The following ANTXRL variants were observed in gnomAD, a reference collection of about 807,000 sequenced individuals.
The protein encoded by ANTXRL is anthrax toxin receptor-like.
ANTXRL carries 63 observed loss-of-function variants against 75.4 expected under a neutral mutation model. The ratio of observed to expected loss-of-function variants is 0.84; its 90% CI spans 0.68 to 1.03. The LOEUF (loss-of-function observed/expected upper bound fraction) is 1.03. Among genes scored for constraint, ANTXRL ranks in the 50% least tolerant of loss-of-function variants. The pLI, the probability that ANTXRL is intolerant of heterozygous loss-of-function variation, is 0.00. For missense variants in ANTXRL, 797 were observed against 789.4 expected (o/e 1.01, Z -0.12); for synonymous variants, 335 against 291.3 (o/e 1.15, Z -1.53).
rs1837439275 is a variant in ANTXRL at position 46,297,320 on chromosome 10, C to G, written c.577C>G (p.Leu193Val). ...ELVAHAFQDT[L>V]REAQKARKLG... ...GGTGGCACATGCATTTCAGGACACT[C>G]TCAGAGAAGTGAGTCCAGTTCATAC... The change falls in exon 6 of 17, where the codon CTC becomes GTC. Residue 193 changes from leucine to valine, a missense_variant. Transcript: ENST00000620264. The G allele has an allele frequency of 6.5e-7, 1 of 1,536,316 alleles. No homozygotes were observed. Among genetic ancestry groups the G allele is most frequent in the Non-Finnish European group, 8.7e-7 (1 of 1,146,838 alleles).
At chr10:46,308,961 C>T (rs879953111) in intron 12 of ANTXRL, among the ~76,000 whole-genome samples, 152 bp from the exon 13 acceptor site, 8 of 152,140 alleles carry the variant, frequency 5.3e-5, no homozygotes, top group Non-Finnish European at 1.2e-4. Context: ...GTCTATAGCT[C>T]TCTGGGGCCC....
chr10:46,301,833 G>A (rs10906944), intron 9 of ANTXRL, among the ~76,000 whole-genome samples: 58,929 of 151,906 alleles, frequency 0.39, 11,171 homozygotes, highest in African/African-American at 0.52. Context: ...GACCGGGGGC[G>A]CCCCAAGCAT....
At chr10:46,314,204 C>A (rs530232903) in intron 16 of ANTXRL, among the ~76,000 whole-genome samples, 10 of 152,122 alleles carry the variant, frequency 6.6e-5, no homozygotes. Flanking sequence ...AGAAATGGGC[C>A]GGGAGCCCCT....
intron 16 of ANTXRL, among the ~76,000 whole-genome samples, chr10:46,317,717 G>GCA (rs112715634): frequency 0.022 from 3,379 of 150,724 alleles, 89 homozygotes; most frequent in African/African-American, 0.06. Context: ...CAAAACACAT[G>GCA]CACACACACA....
intron 16 of ANTXRL, among the ~76,000 whole-genome samples, chr10:46,321,539 G>A (rs184705695): frequency 6.6e-6 from 1 of 152,078 alleles, no homozygotes; most frequent in South Asian, 2.1e-4. Context: ...ACAAGGACTC[G>A]GTATGGTCCC....
At chr10:46,322,456 T>G (rs1164490670) in intron 16 of ANTXRL, among the ~76,000 whole-genome samples, 5 of 130,330 alleles carry the variant, frequency 3.8e-5, no homozygotes, top group African/African-American at 1.4e-4. Context: ...AGACTCCATC[T>G]CAAAAAAAAA....
At chr10:46,311,847 A>G (rs1261267107) in intron 15 of ANTXRL, among the ~76,000 whole-genome samples, 182 bp downstream of exon 15, 3 of 152,132 alleles carry the variant, frequency 2.0e-5, no homozygotes, top group African/African-American at 2.4e-5. Flanking sequence ...CCCCAGTGGC[A>G]GGCATATATG....
chr10:46,323,664 C>T (rs1839082035), intron 16 of ANTXRL, among the ~76,000 whole-genome samples: 2 of 152,128 alleles, frequency 1.3e-5, no homozygotes, highest in South Asian at 4.1e-4. Flanking sequence ...TAATTGCAGA[C>T]TGGAATATGC....
At chr10:46,288,858 G>A (rs1160336572) in intron 1 of ANTXRL, among the ~76,000 whole-genome samples, 2 of 152,158 alleles carry the variant, frequency 1.3e-5, no homozygotes, top group African/African-American at 2.4e-5. Flanking sequence ...GGAGTGCCTA[G>A]AGTGGATGTA....
upstream of ANTXRL, among the ~76,000 whole-genome samples, chr10:46,286,698 C>T (rs1294009076): frequency 1.3e-5 from 2 of 152,172 alleles, no homozygotes; most frequent in Non-Finnish European, 2.9e-5. Flanking sequence ...ACTGCCATCT[C>T]CTGGGGGACT....
chr10:46,303,990 AC>A (rs1554961216), intron 10 of ANTXRL, among the ~76,000 whole-genome samples: 1 of 152,072 alleles, frequency 6.6e-6, no homozygotes, highest in Non-Finnish European at 1.5e-5. Flanking sequence ...AGGCTTCTTG[AC>A]CTTTTTCCTC....
In ANTXRL at chr10:46,330,012, G is replaced by A. The variant is rs1214044949; in HGVS notation, c.1824G>A (p.Pro608=). Residue 608 remains proline (P), a synonymous_variant, in exon 17 of 17, where the codon CCG becomes CCA. Coordinates refer to ENST00000620264, the MANE Select transcript of ANTXRL (RefSeq NM_001278688.3). ...RCLRPPSRML[P]LLSPLLRHTA... The stretch of plus-strand genomic sequence containing the variant: ...TGAGGCCTCCCTCCAGGATGCTGCC[G>A]CTGCTGTCCCCACTGCTCAGGCACA... 28 of 1,532,962 alleles carry A rather than the reference G, an allele frequency of 1.8e-5. No homozygotes were observed. The Admixed American group carries it at 3.2e-4, about 17-fold the overall frequency. The allele number at this position is 1,532,962 out of a possible 1,614,324, so 95.0% of individuals were successfully genotyped here.
At chr10:46,290,951 C>T (rs1259782354) in intron 1 of ANTXRL, among the ~76,000 whole-genome samples, 2 of 152,114 alleles carry the variant, frequency 1.3e-5, no homozygotes, top group Non-Finnish European at 2.9e-5. Context: ...GATACAGTCT[C>T]AACTTTTCTA....
In ANTXRL at chr10:46,302,741, T is replaced by C; in HGVS notation, c.816T>C (p.Ile272=). The C allele has an allele frequency of 6.5e-7, 1 of 1,536,066 alleles. No individual in the cohort carries two copies. The highest frequency in any genetic ancestry group is 8.7e-7 in the Non-Finnish European group (1 of 1,146,468). ...ECVGEPYHVV[I]HGNGFQNLKK... Reference sequence around the variant, plus strand: ...TTGCAGAACCCTACCATGTGGTTATTCATGGAAATGGCTTTCAGAATCTAA... The same window carrying C: ...TTGCAGAACCCTACCATGTGGTTATCCATGGAAATGGCTTTCAGAATCTAA... Residue 272 remains isoleucine (I), a synonymous_variant, in exon 10 of 17, where the codon ATT becomes ATC. Coordinates refer to ENST00000620264, the MANE Select transcript of ANTXRL (RefSeq NM_001278688.3).
rs1836936560 is a variant in ANTXRL, at chr10:46,290,358, T to C, written c.249-1700T>C. 2.0e-5 allele frequency among the ~76,000 whole-genome samples: 3 copies of C among 152,318 alleles called. No homozygotes were observed. In the South Asian group the frequency reaches 6.2e-4, roughly 32 times the overall value. ...CGCCCGGCCTGTTTATCTTTTCGTCTGTTGATGGACACTTGGGTTGCTTCT... is the reference window on the plus strand; with the variant it reads ...CGCCCGGCCTGTTTATCTTTTCGTCCGTTGATGGACACTTGGGTTGCTTCT... On this transcript the variant is annotated intron_variant, in intron 1 of 16. Coordinates refer to ENST00000620264, the MANE Select transcript of ANTXRL (RefSeq NM_001278688.3).
At chr10:46,326,003 C>A (rs566501164) in intron 16 of ANTXRL, among the ~76,000 whole-genome samples, 115 of 151,944 alleles carry the variant, frequency 7.6e-4, no homozygotes, top group African/African-American at 2.7e-3. Context: ...TTTACAGTGG[C>A]TCTAAGCTCA....
At position 46,312,570 on chromosome 10, in the gene ANTXRL, G is replaced by C. The variant is rs546738297; in HGVS notation, c.1330-666G>C. 1.6e-4 allele frequency among the ~76,000 whole-genome samples: 24 copies of C among 145,680 alleles called. No individual in the cohort carries two copies. In the South Asian group the frequency reaches 5.6e-3, roughly 34 times the overall value. On this transcript the variant is annotated intron_variant, in intron 15 of 16. Transcript: ENST00000620264. The stretch of plus-strand genomic sequence containing the variant: ...TCAGGCTCCTCTGCAGCCTCAGTGG[G>C]CATCTGGGGAAGCCAGGCCTGTCTC...
chr10:46,305,474 A>G (rs1402689189), intron 10 of ANTXRL, among the ~76,000 whole-genome samples: 1 of 152,202 alleles, frequency 6.6e-6, no homozygotes, highest in Non-Finnish European at 1.5e-5. Context: ...GGAGGATGCC[A>G]TAATTGTTTT....
In ANTXRL at chr10:46,287,218, C is replaced by T. The variant is rs1836799681; in HGVS notation, c.-45C>T. 6.5e-7 allele frequency: 1 copy of T among 1,526,938 alleles called. No individual in the cohort carries two copies. The highest frequency in any genetic ancestry group is 8.7e-7 in the Non-Finnish European group (1 of 1,143,072). 94.6% of individuals were successfully genotyped at this position (1,526,938 alleles called of 1,614,324 possible). Reference sequence around the variant, plus strand: ...TGTGCTCAGCCTCTCTGGGCCCTGGCACAGGCACCCAAGAGTGAGGTGGGG... The same window carrying T: ...TGTGCTCAGCCTCTCTGGGCCCTGGTACAGGCACCCAAGAGTGAGGTGGGG... On this transcript the variant is annotated 5_prime_UTR_variant, in exon 1 of 17. Coordinates refer to ENST00000620264, the MANE Select transcript of ANTXRL (RefSeq NM_001278688.3).
Sources: allele counts gnomAD v4.1 joint callset (sites outside exome capture counted in the v4.1 genomes callset), GRCh38; gene constraint gnomAD v4.1.1; transcripts MANE v1.5; gene names NCBI Gene and HGNC (gene_info 2026-07-23, HGNC 2026-07-21).